ANO3: variants seen among roughly 807,000 people sequenced by gnomAD.
ANO3 encodes anoctamin-3.
In ANO3, 99 loss-of-function variants were observed where a neutral mutation model predicts 144.8. The ratio of observed to expected loss-of-function variants is 0.68; its 90% CI spans 0.58 to 0.81. ANO3 has a LOEUF of 0.81. Ranked by LOEUF, ANO3 falls within the 30% of genes least tolerant of loss-of-function variation. ANO3 has a pLI of 0.00. For missense variants in ANO3, 905 were observed against 1,202.2 expected, an observed-to-expected ratio of 0.75 and a Z score of 3.66; for synonymous variants, 414 against 392.6, an observed-to-expected ratio of 1.05 and a Z score of -0.64.
chr11:26,313,846 C>T (rs888732537), intron 1 of ANO3, among the ~76,000 whole-genome samples: 68 of 144,468 alleles, frequency 4.7e-4, no homozygotes, highest in African/African-American at 1.7e-3. Flanking sequence ...AACAAAAAGT[C>T]TTAATATTTA....
intron 14 of ANO3, chr11:26,565,869 T>A: frequency 6.3e-7 from 1 of 1,585,264 alleles, no homozygotes; most frequent in Non-Finnish European, 8.5e-7. Context: ...TGTAGGCTTC[T>A]TTGGTATTGG....
intron 4 of ANO3, among the ~76,000 whole-genome samples, chr11:26,469,618 A>G (rs1015400367): frequency 6.6e-6 from 1 of 151,936 alleles, no homozygotes; most frequent in Non-Finnish European, 1.5e-5. Context: ...GGACTTTTAA[A>G]ATCAGTGATA....
chr11:26,330,363 G>T (rs1290312876), upstream of ANO3, among the ~76,000 whole-genome samples: 1 of 152,094 alleles, frequency 6.6e-6, no homozygotes, highest in Non-Finnish European at 1.5e-5. Flanking sequence ...AGCCCTTACG[G>T]AGACAGTCTC....
At chr11:26,309,002 T>C (rs1393111259), upstream of ANO3, among the ~76,000 whole-genome samples, 2 of 152,202 alleles carry the variant, frequency 1.3e-5, no homozygotes, top group African/African-American at 4.8e-5. Flanking sequence ...GTTAGAGTGA[T>C]GGGAATGTAG....
chr11:26,573,886 TAG>T (rs955170476), intron 14 of ANO3, among the ~76,000 whole-genome samples: 63 of 152,318 alleles, frequency 4.1e-4, no homozygotes, highest in African/African-American at 1.5e-3. Flanking sequence ...AGTTGTTACT[TAG>T]CTCACTTAGT....
At chr11:26,635,423 A>G (rs1004655169) in intron 20 of ANO3, among the ~76,000 whole-genome samples, 2 of 152,156 alleles carry the variant, frequency 1.3e-5, no homozygotes, top group Non-Finnish European at 2.9e-5. Flanking sequence ...AAAAGACATC[A>G]TACTGGAAAC....
At chr11:26,316,441 T>A (rs1854627797) in intron 1 of ANO3, among the ~76,000 whole-genome samples, 1 of 152,168 alleles carries the variant, frequency 6.6e-6, no homozygotes. Flanking sequence ...TACAATATAG[T>A]GTGTGCATCA....
chr11:26,648,829 T>G (rs1405023830), intron 24 of ANO3, among the ~76,000 whole-genome samples: 5 of 152,142 alleles, frequency 3.3e-5, no homozygotes, highest in Admixed American at 3.3e-4. Flanking sequence ...GCTTTGGGTG[T>G]GCAGCTGATC....
chr11:26,252,038 A>T (rs560784082), intron 1 of ANO3, among the ~76,000 whole-genome samples: 2 of 152,316 alleles, frequency 1.3e-5, no homozygotes, highest in East Asian at 3.9e-4. Context: ...TTTCTAGAGA[A>T]AAGCATGTGT....
chr11:26,586,503 C>CTT (rs550057766), intron 14 of ANO3, among the ~76,000 whole-genome samples: 2,631 of 81,410 alleles, frequency 0.032, 568 homozygotes, highest in African/African-American at 0.11. Flanking sequence ...TGGTGAGAAT[C>CTT]TTTTTTTTTT....
intron 14 of ANO3, among the ~76,000 whole-genome samples, chr11:26,575,020 C>T (rs1020935728): frequency 4.6e-5 from 7 of 151,896 alleles, no homozygotes; most frequent in Non-Finnish European, 8.8e-5. Flanking sequence ...TTTAATTCGA[C>T]CATAGTTAAA....
At chr11:26,209,407 G>T (rs1028794296) in intron 1 of ANO3, among the ~76,000 whole-genome samples, 1 of 152,138 alleles carries the variant, frequency 6.6e-6, no homozygotes, top group Non-Finnish European at 1.5e-5. Context: ...TGGACATTTG[G>T]GTTGGTTCCA....
intron 1 of ANO3, among the ~76,000 whole-genome samples, chr11:26,228,563 A>T (rs1852306104): frequency 1.3e-5 from 2 of 152,224 alleles, no homozygotes; most frequent in African/African-American, 4.8e-5. Context: ...TTGGTATCAT[A>T]AAAGAGAGGG....
intron 1 of ANO3, among the ~76,000 whole-genome samples, chr11:26,326,642 G>T (rs372731348): frequency 4.6e-4 from 70 of 152,196 alleles, no homozygotes; most frequent in Admixed American, 1.6e-3. Flanking sequence ...TAACTTCTGG[G>T]GGTCAAGTAT....
At chr11:26,468,626 G>A (rs1859680537) in intron 4 of ANO3, among the ~76,000 whole-genome samples, 1 of 151,938 alleles carries the variant, frequency 6.6e-6, no homozygotes, top group African/African-American at 2.4e-5. Context: ...TACCTTTTAT[G>A]TGGATGTCAG....
At chr11:26,522,374 A>G (rs1022972204) in intron 6 of ANO3, among the ~76,000 whole-genome samples, 1 of 152,196 alleles carries the variant, frequency 6.6e-6, no homozygotes, top group Non-Finnish European at 1.5e-5. Context: ...TGTCCTCCTC[A>G]CTTAGTCCCA....
At chr11:26,496,241 C>T (rs112140686) in intron 4 of ANO3, among the ~76,000 whole-genome samples, 9 of 152,308 alleles carry the variant, frequency 5.9e-5, no homozygotes, top group African/African-American at 2.2e-4. Context: ...TCATCTGTTA[C>T]AAGTCCAGAG....
intron 21 of ANO3, among the ~76,000 whole-genome samples, chr11:26,641,150 G>T (rs541066430): frequency 6.6e-6 from 1 of 152,302 alleles, no homozygotes; most frequent in African/African-American, 2.4e-5. Flanking sequence ...ATAATTCCAA[G>T]ATTGTACTTG....
chr11:26,633,050 T>A (rs544839583), intron 18 of ANO3, among the ~76,000 whole-genome samples: 1 of 152,268 alleles, frequency 6.6e-6, no homozygotes, highest in African/African-American at 2.4e-5. Context: ...GGACTTGGAG[T>A]TCCCCAGGAC....
Sources: gnomAD v4.1 joint callset for allele counts (sites outside exome capture counted in the v4.1 genomes callset) on GRCh38, gnomAD v4.1.1 for gene constraint, MANE v1.5 for transcripts, NCBI Gene and HGNC (gene_info 2026-07-23, HGNC 2026-07-21) for gene names.